MTHFD2L: variants seen among roughly 807,000 people sequenced by gnomAD.
The protein encoded by MTHFD2L is methylenetetrahydrofolate dehydrogenase (NADP+ dependent) 2 like.
In MTHFD2L, 29 loss-of-function variants were observed where a neutral mutation model predicts 34.9. The observed-to-expected ratio is 0.83, with a 90% CI of 0.62 to 1.13. The LOEUF (loss-of-function observed/expected upper bound fraction) is 1.13, where lower values mean the gene tolerates loss of function less well. MTHFD2L is among the 50% of genes most tolerant of loss of function. The probability of loss-of-function intolerance (pLI) is 0.00; values close to 1 mark genes in which losing one functional copy is unlikely to be tolerated. For synonymous variants in MTHFD2L, 167 were observed against 155.7 expected, an observed-to-expected ratio of 1.07 and a Z score of -0.54; for missense variants, 481 against 446.5, an observed-to-expected ratio of 1.08 and a Z score of -0.70.
At chr4:74,184,704 G>A (rs1324982982) in intron 3 of MTHFD2L, among the ~76,000 whole-genome samples, 1 of 151,926 alleles carries the variant, frequency 6.6e-6, no homozygotes, top group African/African-American at 2.4e-5. Flanking sequence ...CCCCCAAATG[G>A]CAGATAATAC....
chr4:74,228,669 T>G (rs1739551876), intron 6 of MTHFD2L, among the ~76,000 whole-genome samples: 1 of 152,186 alleles, frequency 6.6e-6, no homozygotes, highest in East Asian at 1.9e-4. Context: ...GAGTTTATCC[T>G]CTCTAGCTTT....
chr4:74,185,151 CAAAAAAAAAAAAAAAA>C (rs1169021073), intron 3 of MTHFD2L, among the ~76,000 whole-genome samples: 2 of 15,978 alleles, frequency 1.3e-4, no homozygotes, highest in Non-Finnish European at 1.3e-4. Context: ...GACTCCATCT[CAAAAAAAAAAAAAAAA>C]AAAAAAAAAA....
rs762758076 is a variant in MTHFD2L at position 74,296,848 on chromosome 4, A to G, written c.932-4849A>G. On this transcript the variant is annotated intron_variant, in intron 7 of 7. Transcript: ENST00000325278. Reference sequence around the variant, plus strand: ...ACTAAGTCTCACTGATGAATGAATGAACAGTTAACTTAGCCTGGGGAGTTA... The same window carrying G: ...ACTAAGTCTCACTGATGAATGAATGGACAGTTAACTTAGCCTGGGGAGTTA... 7.6e-4 allele frequency among the ~76,000 whole-genome samples: 116 copies of G among 152,098 alleles called. 1 individual carries two copies. Among genetic ancestry groups the G allele is most frequent in the Non-Finnish European group, 2.6e-4 (18 of 67,998 alleles).
chr4:74,203,118 G>T (rs1734725129), intron 5 of MTHFD2L, among the ~76,000 whole-genome samples: 1 of 152,034 alleles, frequency 6.6e-6, no homozygotes, highest in Admixed American at 6.6e-5. Flanking sequence ...TATGCCTAAA[G>T]AATTAAATAT....
chr4:74,181,646 C>T (rs1272933937), intron 3 of MTHFD2L: 1 of 152,134 alleles, frequency 6.6e-6, no homozygotes, highest in Non-Finnish European at 1.5e-5. Context: ...TTCTGGAACA[C>T]AATTAGGTAA....
intron 6 of MTHFD2L, among the ~76,000 whole-genome samples, chr4:74,228,118 A>C (rs2110130493): frequency 6.6e-6 from 1 of 152,296 alleles, no homozygotes; most frequent in African/African-American, 2.4e-5. Flanking sequence ...TTTCCAAAAA[A>C]TTACATTTGG....
intron 3 of MTHFD2L, among the ~76,000 whole-genome samples, chr4:74,181,188 G>A (rs1025358334): frequency 1.3e-5 from 2 of 151,948 alleles, no homozygotes; most frequent in Non-Finnish European, 2.9e-5. Flanking sequence ...GATTTAAGAG[G>A]GTTTAAATTA....
At chr4:74,212,601 G>A (rs186416128) in intron 5 of MTHFD2L, among the ~76,000 whole-genome samples, 101 of 152,204 alleles carry the variant, frequency 6.6e-4, no homozygotes, top group Non-Finnish European at 1.1e-3. Context: ...GCTGAGGAGT[G>A]TTTTACTTCC....
At chr4:74,271,692 T>C (rs1203244989) in intron 6 of MTHFD2L, among the ~76,000 whole-genome samples, 2 of 152,318 alleles carry the variant, frequency 1.3e-5, no homozygotes, top group East Asian at 3.9e-4. Flanking sequence ...AGTAGTTTTT[T>C]CCAATTCTGT....
intron 1 of MTHFD2L, among the ~76,000 whole-genome samples, chr4:74,167,985 A>G (rs1360938496): frequency 3.3e-5 from 5 of 152,082 alleles, no homozygotes; most frequent in Non-Finnish European, 1.5e-5. Flanking sequence ...GAATCAGACT[A>G]CTTAGCACCT....
chr4:74,295,416 G>C (rs1384951205), intron 7 of MTHFD2L, among the ~76,000 whole-genome samples: 1 of 151,976 alleles, frequency 6.6e-6, no homozygotes, highest in Non-Finnish European at 1.5e-5. Flanking sequence ...CCCCATATCG[G>C]ATTTATGTTT....
chr4:74,234,486 A>C (rs1490436638), intron 6 of MTHFD2L, among the ~76,000 whole-genome samples: 1 of 152,052 alleles, frequency 6.6e-6, no homozygotes, highest in Non-Finnish European at 1.5e-5. Flanking sequence ...TCTGTTGATG[A>C]ATATGTATGC....
intron 1 of MTHFD2L, among the ~76,000 whole-genome samples, chr4:74,137,897 T>TA (rs1316487233): frequency 6.6e-6 from 1 of 151,550 alleles, no homozygotes; most frequent in African/African-American, 2.4e-5. Flanking sequence ...GTGTGGGAGC[T>TA]AAAAAAAGTG....
At chr4:74,246,901 G>A (rs1272409134) in intron 6 of MTHFD2L, among the ~76,000 whole-genome samples, 2 of 152,168 alleles carry the variant, frequency 1.3e-5, no homozygotes, top group East Asian at 1.9e-4. Flanking sequence ...ATAGTTTGAA[G>A]TCAGGTAGCA....
rs944399450 is a variant in MTHFD2L at position 74,129,242 on chromosome 4, A to T, written c.-297+3725A>T. On this transcript the variant is annotated intron_variant, in intron 1 of 7. Coordinates refer to the MTHFD2L transcript ENST00000433372. ...TTGAACTCAGCTCTGGCTCAAGCAG[A>T]CCTAATAGACATCCACAGAACTCTC... Among the ~76,000 whole-genome samples the T allele has an allele frequency of 2.6e-5, 4 of 152,160 alleles. No individual in the cohort carries two copies. The East Asian group carries it at 5.8e-4, about 22-fold the overall frequency.
intron 5 of MTHFD2L, among the ~76,000 whole-genome samples, chr4:74,201,723 C>T (rs1260539169): frequency 6.6e-6 from 1 of 151,932 alleles, no homozygotes; most frequent in East Asian, 1.9e-4. Context: ...GTGGCAAGGT[C>T]TTAGCACTTT....
At chr4:74,153,081 C>G (rs1284886411) in intron 1 of MTHFD2L, among the ~76,000 whole-genome samples, 1 of 152,146 alleles carries the variant, frequency 6.6e-6, no homozygotes, top group Non-Finnish European at 1.5e-5. Flanking sequence ...CCCTTGACAT[C>G]TCAGTTTCTT....
upstream of MTHFD2L, among the ~76,000 whole-genome samples, chr4:74,155,809 C>T (rs552339153): frequency 8.6e-5 from 13 of 151,002 alleles, no homozygotes; most frequent in African/African-American, 2.4e-4. Context: ...TTCCTTACCA[C>T]AAATAATTTT....
chr4:74,188,009 C>T (rs1339731968), intron 3 of MTHFD2L, among the ~76,000 whole-genome samples: 1 of 152,062 alleles, frequency 6.6e-6, no homozygotes, highest in African/African-American at 2.4e-5. Context: ...ATATTCCATA[C>T]AATAGAATAC....
Sources: gnomAD v4.1 joint callset for allele counts (sites outside exome capture counted in the v4.1 genomes callset) on GRCh38, gnomAD v4.1.1 for gene constraint, MANE v1.5 for transcripts, NCBI Gene and HGNC (gene_info 2026-07-23, HGNC 2026-07-21) for gene names.